CTNND2: variants seen among roughly 807,000 people sequenced by gnomAD.
CTNND2 encodes the protein catenin delta 2, also known as catenin delta-2.
In CTNND2, 22 loss-of-function variants were observed where a neutral mutation model predicts 144.4. The observed-to-expected ratio is 0.15, with a 90% CI of 0.11 to 0.22. The LOEUF (loss-of-function observed/expected upper bound fraction) is 0.22, where lower values mean the gene tolerates loss of function less well. CTNND2 is among the 10% of genes least tolerant of loss of function. The pLI, the probability that CTNND2 is intolerant of heterozygous loss-of-function variation, is 1.00. For synonymous variants in CTNND2, 751 were observed against 695.6 expected, an observed-to-expected ratio of 1.08 and a Z score of -1.25; for missense variants, 1,353 against 1,618.8, an observed-to-expected ratio of 0.84 and a Z score of 2.82.
chr5:11,612,938 G>T (rs1217892030), intron 2 of CTNND2, among the ~76,000 whole-genome samples: 1 of 152,038 alleles, frequency 6.6e-6, no homozygotes, highest in Non-Finnish European at 1.5e-5. Context: ...TAAAAACACA[G>T]ACTTTCATCA....
chr5:11,096,764 GAA>G (rs1231654575), intron 15 of CTNND2, among the ~76,000 whole-genome samples: 6 of 151,802 alleles, frequency 4.0e-5, no homozygotes, highest in Non-Finnish European at 8.8e-5. Context: ...AAGAGAGAAA[GAA>G]GAGAGAGACA....
chr5:11,561,383 A>G (rs1776671247), intron 3 of CTNND2, among the ~76,000 whole-genome samples: 1 of 152,254 alleles, frequency 6.6e-6, no homozygotes, highest in African/African-American at 2.4e-5. Context: ...CAGAAATGAG[A>G]TAAGGTACAA....
At chr5:11,153,070 C>G (rs1003780411) in intron 12 of CTNND2, among the ~76,000 whole-genome samples, 15 of 152,068 alleles carry the variant, frequency 9.9e-5, no homozygotes, top group Admixed American at 2.0e-4. Flanking sequence ...TCAGGACTAG[C>G]CTGGCCAACA....
At chr5:11,468,251 A>G (rs924518341) in intron 3 of CTNND2, among the ~76,000 whole-genome samples, 1 of 152,248 alleles carries the variant, frequency 6.6e-6, no homozygotes, top group Admixed American at 6.5e-5. Context: ...AACCCTTGGT[A>G]TCGCAGTCCT....
intron 2 of CTNND2, among the ~76,000 whole-genome samples, chr5:11,720,661 G>A (rs1581773573): frequency 6.6e-6 from 1 of 152,002 alleles, no homozygotes; most frequent in South Asian, 2.1e-4. Context: ...TCATGTTTGG[G>A]AGCTTATTTT....
At chr5:11,032,728 T>C (rs908084404) in intron 16 of CTNND2, among the ~76,000 whole-genome samples, 1 of 152,202 alleles carries the variant, frequency 6.6e-6, no homozygotes, top group East Asian at 1.9e-4. Flanking sequence ...ATTTGAATGG[T>C]ATTATGCTAA....
intron 9 of CTNND2, among the ~76,000 whole-genome samples, chr5:11,282,949 C>T (rs1446542821): frequency 1.3e-5 from 2 of 152,170 alleles, no homozygotes; most frequent in Admixed American, 6.5e-5. Flanking sequence ...CGTTCTAGCA[C>T]TCCCTCTTCC....
intron 3 of CTNND2, among the ~76,000 whole-genome samples, chr5:11,473,974 G>C (rs1371635718): frequency 6.6e-6 from 1 of 152,182 alleles, no homozygotes; most frequent in Non-Finnish European, 1.5e-5. Context: ...TGTTTGGCTG[G>C]GATTTAAAGA....
intron 14 of CTNND2, among the ~76,000 whole-genome samples, chr5:11,106,662 C>A (rs1752455758): frequency 6.6e-6 from 1 of 152,186 alleles, no homozygotes; most frequent in Admixed American, 6.5e-5. Context: ...GTAAGAGACT[C>A]CTCCTCACAA....
At chr5:11,060,384 A>G (rs1180046222) in intron 16 of CTNND2, among the ~76,000 whole-genome samples, 1 of 152,148 alleles carries the variant, frequency 6.6e-6, no homozygotes. Flanking sequence ...AAGTCCCAGA[A>G]GCCATATAGT....
intron 3 of CTNND2, among the ~76,000 whole-genome samples, chr5:11,477,381 A>ATT (rs34661817): frequency 0.11 from 16,686 of 146,600 alleles, 1,119 homozygotes; most frequent in Middle Eastern, 0.24. Flanking sequence ...CACATCACCT[A>ATT]TTTTTTTTTT....
intron 1 of CTNND2, among the ~76,000 whole-genome samples, chr5:11,874,187 C>A (rs533123262): frequency 6.6e-6 from 1 of 152,194 alleles, no homozygotes; most frequent in African/African-American, 2.4e-5. Flanking sequence ...ACTCTTATGA[C>A]CTCTTTGTGA....
At chr5:11,247,897 G>C (rs1281190021) in intron 9 of CTNND2, among the ~76,000 whole-genome samples, 1 of 151,964 alleles carries the variant, frequency 6.6e-6, no homozygotes, top group Non-Finnish European at 1.5e-5. Flanking sequence ...AATGCAACTA[G>C]ACTTTTTCAA....
intron 2 of CTNND2, among the ~76,000 whole-genome samples, chr5:11,675,774 G>C (rs919611310): frequency 2.6e-5 from 4 of 151,918 alleles, no homozygotes; most frequent in Non-Finnish European, 4.4e-5. Flanking sequence ...ATGTGTATGT[G>C]TGTGTGGAGG....
chr5:11,024,163 A>G (rs1426378943), intron 16 of CTNND2, among the ~76,000 whole-genome samples: 3 of 152,222 alleles, frequency 2.0e-5, no homozygotes, highest in African/African-American at 2.4e-5. Context: ...GTAGGCGATG[A>G]TATCTTAATT....
chr5:11,065,146 G>A (rs992617895), intron 16 of CTNND2, among the ~76,000 whole-genome samples: 2 of 152,218 alleles, frequency 1.3e-5, no homozygotes, highest in Non-Finnish European at 2.9e-5. Flanking sequence ...CTAAAATGCA[G>A]GTTTGCTAGA....
intron 10 of CTNND2, among the ~76,000 whole-genome samples, chr5:11,210,764 C>T (rs1378430443): frequency 6.6e-6 from 1 of 152,168 alleles, no homozygotes; most frequent in Non-Finnish European, 1.5e-5. Context: ...ACAAATACTG[C>T]CCACAAAGCT....
At chr5:11,879,192 A>C (rs1417993548) in intron 1 of CTNND2, among the ~76,000 whole-genome samples, 1 of 151,922 alleles carries the variant, frequency 6.6e-6, no homozygotes, top group Non-Finnish European at 1.5e-5. Flanking sequence ...GAGGGATGAC[A>C]GAGCAGCAGA....
chr5:11,038,817 A>G (rs1210093545), intron 16 of CTNND2, among the ~76,000 whole-genome samples: 2 of 152,218 alleles, frequency 1.3e-5, no homozygotes, highest in Non-Finnish European at 1.5e-5. Flanking sequence ...TGAATGAATC[A>G]ACACTGCTTG....
Sources: allele counts gnomAD v4.1 joint callset (sites outside exome capture counted in the v4.1 genomes callset), GRCh38; gene constraint gnomAD v4.1.1; transcripts MANE v1.5; gene names NCBI Gene and HGNC (gene_info 2026-07-23, HGNC 2026-07-21).